SLC18A1: variants seen among roughly 807,000 people sequenced by gnomAD.
The protein encoded by SLC18A1 is chromaffin granule amine transporter.
A neutral mutation model predicts 53.7 loss-of-function variants in SLC18A1; 69 were observed. That is an observed-to-expected ratio of 1.28 (90% confidence interval 1.06 to 1.57). SLC18A1 has a LOEUF of 1.57. Among genes scored for constraint, SLC18A1 ranks in the 40% most tolerant of loss-of-function variants. SLC18A1 has a pLI of 0.00. For missense variants in SLC18A1, 932 were observed against 668.1 expected (o/e 1.40, Z -4.35); for synonymous variants, 320 against 248.1 (o/e 1.29, Z -2.72).
chr8:20,183,104 G>C lies in SLC18A1; in HGVS notation c.-165C>G, dbSNP rs964848458. The C allele has an allele frequency of 6.6e-6, 1 of 152,198 alleles. No individual in the cohort carries two copies. The highest frequency in any genetic ancestry group is 1.5e-5 in the Non-Finnish European group (1 of 68,044). 9.4% of individuals were successfully genotyped at this position (152,198 alleles called of 1,614,324 possible). On this transcript the variant is annotated 5_prime_UTR_variant, in exon 1 of 16. Coordinates refer to ENST00000276373, the MANE Select transcript of SLC18A1 (RefSeq NM_003053.4). ...GTGTGAGGCACTCAGTGAGGTATTG[G>C]CAGCTGTTAGCAAGACAGCAGGGAC...
chr8:20,179,358 A>G lies in SLC18A1; in HGVS notation c.251T>C (p.Phe84Ser), dbSNP rs17215801. 4,369 of 1,614,180 alleles carry G rather than the reference A, an allele frequency of 2.7e-3. 113 individuals are homozygous for G. The African/African-American group carries it at 0.052, about 19-fold the overall frequency. ...AACAGCCACGGTGTTGTTGTTGAAG[A>G]AGGAGAAGATGGTGGAAAAGGCAGG... ...ASPAFSTIFS[F>S]FNNNTVAVEE... is the part of the protein sequence containing the mutation. The change falls in exon 3 of 16, where the codon TTC becomes TCC. Residue 84 changes from phenylalanine to serine, a missense_variant. Coordinates refer to ENST00000276373, the MANE Select transcript of SLC18A1 (RefSeq NM_003053.4).
rs114289464 is a variant in SLC18A1, at chr8:20,171,196, G to A, written c.815-50C>T. The A allele has an allele frequency of 3.2e-4, 507 of 1,592,260 alleles. No homozygotes were observed. The African/African-American group carries it at 6.1e-3, about 19-fold the overall frequency. The stretch of plus-strand genomic sequence containing the variant: ...GTTCAGCGTGTCTACTGATTAGCTG[G>A]GGGCTCCAATAACAGCTGTAGTGCT... On this transcript the variant is annotated intron_variant, in intron 7 of 15. Coordinates refer to ENST00000276373, the MANE Select transcript of SLC18A1 (RefSeq NM_003053.4).
At chr8:20,147,883 C>G in intron 13 of SLC18A1, 124 bp downstream of exon 13, 1 of 1,431,122 alleles carries the variant, frequency 7.0e-7, no homozygotes, top group South Asian at 1.3e-5. Flanking sequence ...ACAACCCTGC[C>G]AGCTGCCCTC....
chr8:20,169,060 G>A (rs776246978), intron 8 of SLC18A1, among the ~76,000 whole-genome samples: 1 of 152,108 alleles, frequency 6.6e-6, no homozygotes, highest in Non-Finnish European at 1.5e-5. Context: ...TACTACACAA[G>A]AGACCCAGAC....
intron 10 of SLC18A1, among the ~76,000 whole-genome samples, chr8:20,158,352 C>T (rs894356729): frequency 3.9e-5 from 6 of 152,174 alleles, no homozygotes; most frequent in African/African-American, 1.4e-4. Context: ...CTGAAGGCCC[C>T]ACTTCTTTGT....
intron 4 of SLC18A1, among the ~76,000 whole-genome samples, chr8:20,176,722 A>G (rs1035280588): frequency 1.3e-5 from 2 of 152,232 alleles, no homozygotes; most frequent in African/African-American, 2.4e-5. Flanking sequence ...GGTTAGAATT[A>G]GGCCAACTCC....
In SLC18A1 at chr8:20,147,257, C is replaced by G. The variant is rs201359726; in HGVS notation, c.1464+1G>C. ...CTCTTTTAACAGTCGGTGCTCCTTA[C>G]AAGCTTCTCTTCCTTTGCCGGGGGG... On this transcript the variant is annotated splice_donor_variant, in intron 15 of 15. Coordinates refer to ENST00000276373, the MANE Select transcript of SLC18A1 (RefSeq NM_003053.4). LOFTEE classifies it high-confidence loss of function. The G allele has an allele frequency of 1.0e-5, 16 of 1,595,634 alleles. No homozygotes were observed. Among genetic ancestry groups the G allele is most frequent in the African/African-American group, 1.4e-5 (1 of 73,866 alleles).
In SLC18A1 at chr8:20,179,185, G is replaced by A; in HGVS notation, c.424C>T (p.Leu142=). Residue 142 remains leucine (L), a synonymous_variant, in exon 3 of 16, where the codon CTG becomes TTG. Transcript: ENST00000276373. ...TGCATCACAGCCTTTGAAGCAAACAGAACCCCGACCCGGGTAATCTCTTCC... is the reference window on the plus strand; with the variant it reads ...TGCATCACAGCCTTTGAAGCAAACAAAACCCCGACCCGGGTAATCTCTTCC... ...LEEEITRVGV[L]FASKAVMQLL... is the part of the protein sequence containing the mutation. The A allele has an allele frequency of 6.2e-7, 1 of 1,614,174 alleles. No homozygotes were observed. The highest frequency in any genetic ancestry group is 8.5e-7 in the Non-Finnish European group (1 of 1,180,028).
chr8:20,147,924 C>G (rs973671303), intron 13 of SLC18A1, 83 bp downstream of exon 13: 42 of 1,518,814 alleles, frequency 2.8e-5, no homozygotes, highest in Non-Finnish European at 3.6e-5. Context: ...CCTACCTCCT[C>G]TGATGAGAAA....
rs1554537702 is a variant in SLC18A1, at chr8:20,166,321, A to ATATATATATG, written c.859-1215_859-1214insCATATATATA. Among the ~76,000 whole-genome samples the ATATATATATG allele has an allele frequency of 1.1e-4, 11 of 97,106 alleles. 1 individual carries two copies. The highest frequency in any genetic ancestry group is 2.2e-4 in the Non-Finnish European group (11 of 49,790). The allele number at this position is 97,106 out of a possible 152,430, so 63.7% of individuals were successfully genotyped here. On this transcript the variant is annotated intron_variant, in intron 8 of 15. Coordinates refer to ENST00000276373, the MANE Select transcript of SLC18A1 (RefSeq NM_003053.4). ...TATATATATATATATATATATATAT[A>ATATATATATG]TATATATATACACCACCAGGTGGAA...
intron 10 of SLC18A1, among the ~76,000 whole-genome samples, chr8:20,159,772 G>C (rs1306141298): frequency 1.3e-5 from 2 of 151,752 alleles, no homozygotes; most frequent in African/African-American, 2.4e-5. Context: ...CAAACATTTT[G>C]CATCGTGCCT....
rs1039082279 is a variant in SLC18A1 at position 20,179,636 on chromosome 8, G to A, written c.125-152C>T. On this transcript the variant is annotated intron_variant, in intron 2 of 15. Transcript: ENST00000276373. ...GACAGATGTCATCTTACCACTACTA[G>A]GATCAGGGGACTATGATGAGGTTCA... is the stretch of plus-strand genomic sequence containing the variant. 21 of 1,098,308 alleles carry A rather than the reference G, an allele frequency of 1.9e-5. No homozygotes were observed. In the African/African-American group the frequency reaches 2.8e-4, roughly 15 times the overall value. 68.0% of individuals were successfully genotyped at this position (1,098,308 alleles called of 1,614,324 possible).
chr8:20,174,473 C>T, intron 4 of SLC18A1, 29 bp from the exon 5 acceptor site: 1 of 1,552,142 alleles, frequency 6.4e-7, no homozygotes, highest in East Asian at 2.2e-5. Flanking sequence ...AAGATAACTG[C>T]AGTTAGCAAA....
At chr8:20,154,376 CAG>C (rs1166371373) in intron 10 of SLC18A1, among the ~76,000 whole-genome samples, 1 of 152,030 alleles carries the variant, frequency 6.6e-6, no homozygotes, top group Non-Finnish European at 1.5e-5. Context: ...GAACATGGAC[CAG>C]ATGTTGACAG....
intron 2 of SLC18A1, among the ~76,000 whole-genome samples, chr8:20,180,613 C>T (rs2072400256): frequency 6.6e-6 from 1 of 152,210 alleles, no homozygotes; most frequent in African/African-American, 2.4e-5. Flanking sequence ...GTCAGACCCT[C>T]TCTGGACCTC....
intron 8 of SLC18A1, among the ~76,000 whole-genome samples, chr8:20,168,517 T>G (rs1366701799): frequency 6.6e-6 from 1 of 152,156 alleles, no homozygotes; most frequent in Non-Finnish European, 1.5e-5. Context: ...CTATTTGGTA[T>G]AAATATTTAT....
rs1463715744 is a variant in SLC18A1, at chr8:20,179,145, G to A, written c.464C>T (p.Pro155Leu). Residue 155 changes from proline (P) to leucine (L), a missense_variant, in exon 3 of 16, where the codon CCA becomes CTA. Physicochemically the swap from Pro to Leu is moderately conservative, Grantham distance 98 (BLOSUM62 -3). Coordinates refer to ENST00000276373, the MANE Select transcript of SLC18A1 (RefSeq NM_003053.4). ...SKAVMQLLVN[P>L]FVGPLTNRIG... Reference sequence around the variant, plus strand: ...CCTGTTGGTGAGAGGGCCCACGAATGGGTTGACCAGAAGTTGCATCACAGC... The same window carrying A: ...CCTGTTGGTGAGAGGGCCCACGAATAGGTTGACCAGAAGTTGCATCACAGC... 1 of 1,613,364 alleles carries A rather than the reference G, an allele frequency of 6.2e-7. No individual in the cohort carries two copies. Among genetic ancestry groups the A allele is most frequent in the South Asian group, 1.1e-5 (1 of 90,984 alleles).
At position 20,147,400 on chromosome 8, in the gene SLC18A1, G is replaced by T. The variant is rs762314115; in HGVS notation, c.1331-9C>A. The T allele has an allele frequency of 6.2e-7, 1 of 1,602,648 alleles. No homozygotes were observed. The highest frequency in any genetic ancestry group is 8.5e-7 in the Non-Finnish European group (1 of 1,175,516). On this transcript the variant is annotated splice_polypyrimidine_tract_variant and intron_variant, in intron 14 of 15. Coordinates refer to ENST00000276373, the MANE Select transcript of SLC18A1 (RefSeq NM_003053.4). ...ACCACCGGTGGATGGACCTGGGAGG[G>T]ATACATCAAAGTCATAAGTGTCTAT... is the stretch of plus-strand genomic sequence containing the variant.
intron 5 of SLC18A1, 91 bp from the exon 6 acceptor site, chr8:20,173,219 G>A: frequency 1.1e-6 from 1 of 893,864 alleles, no homozygotes; most frequent in Admixed American, 2.6e-5. Context: ...TCTCTTCAGT[G>A]ACAATCTTAG....
Sources: allele counts gnomAD v4.1 joint callset (sites outside exome capture counted in the v4.1 genomes callset), GRCh38; gene constraint gnomAD v4.1.1; transcripts MANE v1.5; gene names NCBI Gene and HGNC (gene_info 2026-07-23, HGNC 2026-07-21).